Variants in PKNOX2 observed in about 807,000 individuals in gnomAD.
PKNOX2 encodes PBX/knotted 1 homeobox 2.
In PKNOX2, 14 loss-of-function variants were observed where a neutral mutation model predicts 53.1. That is an observed-to-expected ratio of 0.26 (90% CI 0.17 to 0.41). PKNOX2 has a LOEUF of 0.41. Among genes scored for constraint, PKNOX2 ranks in the 10% least tolerant of loss-of-function variants. PKNOX2 has a pLI of 1.00. For missense variants in PKNOX2, 496 were observed against 602.8 expected (o/e 0.82, Z 1.85); for synonymous variants, 257 against 242.8 (o/e 1.06, Z -0.54).
At chr11:125,272,608 C>G (rs1370146845) in intron 2 of PKNOX2, among the ~76,000 whole-genome samples, 1 of 152,134 alleles carries the variant, frequency 6.6e-6, no homozygotes, top group African/African-American at 2.4e-5. Flanking sequence ...CTTGTTCTAC[C>G]CAGGACCTGG....
intron 2 of PKNOX2, among the ~76,000 whole-genome samples, chr11:125,314,423 G>C (rs151076161): frequency 2.0e-5 from 3 of 152,182 alleles, no homozygotes; most frequent in African/African-American, 7.2e-5. Context: ...GCATCTTAAT[G>C]GTGGGGAAGA....
intron 2 of PKNOX2, among the ~76,000 whole-genome samples, chr11:125,266,380 G>C (rs1220623564): frequency 6.6e-6 from 1 of 152,050 alleles, no homozygotes; most frequent in Non-Finnish European, 1.5e-5. Flanking sequence ...CTGACTTTTG[G>C]GGGCATTTAG....
At chr11:125,263,759 T>A (rs1008990527) in intron 2 of PKNOX2, among the ~76,000 whole-genome samples, 1 of 152,160 alleles carries the variant, frequency 6.6e-6, no homozygotes, top group African/African-American at 2.4e-5. Context: ...CTCCCTGGCC[T>A]CTCTCTGTGC....
intron 10 of PKNOX2, among the ~76,000 whole-genome samples, chr11:125,426,994 G>A (rs1027960521): frequency 1.1e-4 from 17 of 152,330 alleles, no homozygotes; most frequent in African/African-American, 3.1e-4. Flanking sequence ...GGGCCAGCAC[G>A]TGCGAAGGCA....
chr11:125,189,441 GTGTGTGTATA>G (rs1232119924), intron 1 of PKNOX2, among the ~76,000 whole-genome samples: 16 of 57,956 alleles, frequency 2.8e-4, no homozygotes, highest in African/African-American at 1.3e-3. Flanking sequence ...GTGTGTGTGT[GTGTGTGTATA>G]TATATATATA....
intron 2 of PKNOX2, among the ~76,000 whole-genome samples, chr11:125,313,089 A>T (rs1216409751): frequency 6.6e-6 from 1 of 152,086 alleles, no homozygotes; most frequent in African/African-American, 2.4e-5. Flanking sequence ...GGAAGCAGAG[A>T]GTGTTTACGG....
chr11:125,345,698 C>T (rs138601401), intron 3 of PKNOX2, among the ~76,000 whole-genome samples: 293 of 152,278 alleles, frequency 1.9e-3, no homozygotes, highest in Middle Eastern at 6.8e-3. Flanking sequence ...GTTCTACCAG[C>T]AACACTTTTT....
At chr11:125,190,772 C>A (rs1228209331) in intron 1 of PKNOX2, among the ~76,000 whole-genome samples, 1 of 152,164 alleles carries the variant, frequency 6.6e-6, no homozygotes, top group Non-Finnish European at 1.5e-5. Context: ...AGCAGGGATT[C>A]CCATCTTTTA....
At chr11:125,252,335 C>T (rs568686006) in intron 2 of PKNOX2, among the ~76,000 whole-genome samples, 9 of 152,084 alleles carry the variant, frequency 5.9e-5, no homozygotes, top group Admixed American at 1.3e-4. Flanking sequence ...TCTCGAAGGA[C>T]GTGGAAGAGT....
chr11:125,256,492 C>G (rs1252078341), intron 2 of PKNOX2, among the ~76,000 whole-genome samples: 1 of 152,192 alleles, frequency 6.6e-6, no homozygotes, highest in Admixed American at 6.5e-5. Context: ...AGTACCCACT[C>G]TGTGCATTTG....
chr11:125,232,826 G>A (rs1191223816), intron 1 of PKNOX2, among the ~76,000 whole-genome samples: 1 of 147,908 alleles, frequency 6.8e-6, no homozygotes, highest in Non-Finnish European at 1.5e-5. Context: ...AATAATCCAA[G>A]TCTTTTTTTT....
chr11:125,314,508 C>T (rs1344373015), intron 2 of PKNOX2, among the ~76,000 whole-genome samples: 2 of 152,144 alleles, frequency 1.3e-5, no homozygotes, highest in Non-Finnish European at 2.9e-5. Context: ...GCTTTTGCTC[C>T]TCTGGTGTGC....
chr11:125,196,264 A>G lies in PKNOX2; in HGVS notation c.-201+31488A>G, dbSNP rs144630006. Among the ~76,000 whole-genome samples the G allele has an allele frequency of 3.4e-4, 52 of 152,166 alleles. 1 individual carries two copies. The East Asian group carries it at 9.3e-3, about 27-fold the overall frequency. On this transcript the variant is annotated intron_variant, in intron 1 of 12. Transcript: ENST00000298282. ...CGAGAAGGGGCTGTGAGGTCTGTGC[A>G]TCTTTTCTCTCAGTCACTGACTCTT...
rs1484408614 is a variant in PKNOX2 at position 125,397,961 on chromosome 11, A to G, written c.487A>G (p.Ile163Val). 6.2e-7 allele frequency: 1 copy of G among 1,614,046 alleles called. No individual in the cohort carries two copies. Among genetic ancestry groups the G allele is most frequent in the Non-Finnish European group, 8.5e-7 (1 of 1,180,022 alleles). ...CTGCAAGGACTTTTGTAACCGTTAC[A>G]TCACCTGCCTCAAAACCAAGATGCA... ...ELCKDFCNRY[I>V]TCLKTKMHSD... The change falls in exon 7 of 13, where the codon ATC becomes GTC. Residue 163 changes from isoleucine (I) to valine (V), a missense_variant. Physicochemically the swap from Ile to Val is conservative, Grantham distance 29. Coordinates refer to ENST00000298282, the MANE Select transcript of PKNOX2 (RefSeq NM_001382323.2).
intron 5 of PKNOX2, among the ~76,000 whole-genome samples, chr11:125,384,787 C>T (rs2135374822): frequency 6.6e-6 from 1 of 152,260 alleles, no homozygotes; most frequent in South Asian, 2.1e-4. Flanking sequence ...ACCCTCTTCA[C>T]TCATTGATTC....
Position 125,234,105 on chromosome 11 carries a change from G to T in PKNOX2, c.-200-940G>T, listed in dbSNP as rs935516570. Among the ~76,000 whole-genome samples, 70 of 152,250 alleles carry T rather than the reference G, an allele frequency of 4.6e-4. 1 individual carries two copies. Among genetic ancestry groups the T allele is most frequent in the African/African-American group, 1.6e-3 (68 of 41,564 alleles). On this transcript the variant is annotated intron_variant, in intron 1 of 12. Transcript: ENST00000298282. ...GAATGCCTTCTCCTCCCTCCCACCAGCCAATTCTTGTCTGTCCAGTCCGCC... is the reference window on the plus strand; with the variant it reads ...GAATGCCTTCTCCTCCCTCCCACCATCCAATTCTTGTCTGTCCAGTCCGCC...
intron 2 of PKNOX2, among the ~76,000 whole-genome samples, chr11:125,242,427 G>A (rs777334499): frequency 7.2e-5 from 11 of 152,074 alleles, no homozygotes; most frequent in Non-Finnish European, 1.3e-4. Flanking sequence ...CTCTCCCCAC[G>A]ATGCCAGGGT....
At chr11:125,404,040 G>A (rs894364344) in intron 7 of PKNOX2, among the ~76,000 whole-genome samples, 7 of 152,110 alleles carry the variant, frequency 4.6e-5, no homozygotes, top group Admixed American at 2.0e-4. Context: ...CATCACCTCA[G>A]CCAGGACCCT....
rs1198718793 is a variant in PKNOX2, at chr11:125,313,854, G to A, written c.-129-17965G>A. ...TCCATGGTATTGGAAAATACAGACAGAGAGCATTTCCATCACCACAGAGAG... is the reference window on the plus strand; with the variant it reads ...TCCATGGTATTGGAAAATACAGACAAAGAGCATTTCCATCACCACAGAGAG... On this transcript the variant is annotated intron_variant, in intron 2 of 12. Transcript: ENST00000298282. Among the ~76,000 whole-genome samples the A allele has an allele frequency of 4.6e-5, 7 of 152,204 alleles. No individual in the cohort carries two copies. In the South Asian group the frequency reaches 1.5e-3, roughly 32 times the overall value.
Sources: allele counts gnomAD v4.1 joint callset (sites outside exome capture counted in the v4.1 genomes callset), GRCh38; gene constraint gnomAD v4.1.1; transcripts MANE v1.5; gene names NCBI Gene and HGNC (gene_info 2026-07-23, HGNC 2026-07-21).